Variants in CAPG observed in about 807,000 individuals in gnomAD.
CAPG encodes the protein macrophage-capping protein.
CAPG carries 32 observed loss-of-function variants against 44.6 expected under a neutral mutation model. The ratio of observed to expected loss-of-function variants is 0.72; its 90% CI spans 0.54 to 0.96. The LOEUF (loss-of-function observed/expected upper bound fraction) is 0.96, where lower values mean the gene tolerates loss of function less well. CAPG is among the 50% of genes least tolerant of loss of function. The pLI is 0.00. For missense variants in CAPG, 412 were observed against 438.3 expected, an observed-to-expected ratio of 0.94 and a Z score of 0.54; for synonymous variants, 175 against 179.6, an observed-to-expected ratio of 0.97 and a Z score of 0.20.
intron 1 of CAPG, among the ~76,000 whole-genome samples, chr2:85,406,934 C>CTTT (rs575138210): frequency 7.0e-6 from 1 of 141,906 alleles, no homozygotes; most frequent in Admixed American, 7.0e-5. Flanking sequence ...TAGTAATTTT[C>CTTT]TTTTTTTTTT....
At chr2:85,400,547 T>C (rs1686832283) in intron 5 of CAPG, among the ~76,000 whole-genome samples, 1 of 151,998 alleles carries the variant, frequency 6.6e-6, no homozygotes, top group Non-Finnish European at 1.5e-5. Flanking sequence ...CCAGCCCGGG[T>C]CCCAGTCTCA....
At chr2:85,397,819 A>G (rs964066172) in intron 8 of CAPG, among the ~76,000 whole-genome samples, 6 of 152,212 alleles carry the variant, frequency 3.9e-5, no homozygotes, top group African/African-American at 1.4e-4. Context: ...AGAGTTTGAT[A>G]CCATCCTGGG....
At chr2:85,414,693 A>G (rs1232641776), upstream of CAPG, among the ~76,000 whole-genome samples, 2 of 152,040 alleles carry the variant, frequency 1.3e-5, no homozygotes, top group Non-Finnish European at 2.9e-5. Flanking sequence ...TGGCCTCCCA[A>G]AGTGCTGGCA....
At position 85,400,303 on chromosome 2, in the gene CAPG, C is replaced by G. The variant is rs563032723; in HGVS notation, c.516+862G>C. 1.6e-3 allele frequency among the ~76,000 whole-genome samples: 242 copies of G among 152,302 alleles called. 2 individuals carry two copies. The highest frequency in any genetic ancestry group is 5.5e-3 in the African/African-American group (230 of 41,556). ...TCTCACACTTCTACCCACCGCCCTG[C>G]CAGGCAGAGCCCCTGTCACCTCTCC... On this transcript the variant is annotated intron_variant, in intron 5 of 9. Coordinates refer to ENST00000263867, the MANE Select transcript of CAPG (RefSeq NM_001747.4).
chr2:85,391,889 A>C (rs1686384250), downstream of CAPG: 1 of 152,454 alleles, frequency 6.6e-6, no homozygotes, highest in Non-Finnish European at 1.5e-5. Context: ...TCCAGGAGAC[A>C]GAAGGTTGCC....
intron 1 of CAPG, among the ~76,000 whole-genome samples, chr2:85,408,504 A>T (rs780213203): frequency 6.6e-6 from 1 of 152,046 alleles, no homozygotes; most frequent in Non-Finnish European, 1.5e-5. Flanking sequence ...CACATACTTT[A>T]GCCTGTTTTA....
At chr2:85,414,557 G>A (rs1016166265), upstream of CAPG, among the ~76,000 whole-genome samples, 30 of 151,596 alleles carry the variant, frequency 2.0e-4, no homozygotes, top group South Asian at 4.2e-4. Flanking sequence ...AGCCTCCTGA[G>A]TAGCTGGGAC....
Position 85,394,949 on chromosome 2 carries a change from G to C in CAPG, c.991C>G (p.Leu331Val). The change falls in exon 10 of 10, where the codon CTG becomes GTG. Residue 331 changes from leucine to valine, a missense_variant. By Grantham distance (32) the Leu-to-Val change is conservative (BLOSUM62 1). Coordinates refer to ENST00000263867, the MANE Select transcript of CAPG (RefSeq NM_001747.4). ...QYAPNTQVEI[L>V]PQGHESPIFK... ...ATGGGACTCTCATGGCCCTGAGGCA[G>C]AATCTCCACCTGCAGGGACAGCGGG... The C allele has an allele frequency of 1.2e-6, 2 of 1,612,152 alleles. No individual in the cohort carries two copies. The highest frequency in any genetic ancestry group is 1.7e-6 in the Non-Finnish European group (2 of 1,178,188).
chr2:85,400,365 T>G (rs566448256), intron 5 of CAPG, among the ~76,000 whole-genome samples: 8 of 152,290 alleles, frequency 5.3e-5, no homozygotes, highest in African/African-American at 1.9e-4. Flanking sequence ...ACCTGTCCCC[T>G]TCCTTGTCTC....
At chr2:85,404,060 T>C (rs1296400837) in intron 1 of CAPG, among the ~76,000 whole-genome samples, 2 of 152,016 alleles carry the variant, frequency 1.3e-5, no homozygotes, top group African/African-American at 4.8e-5. Flanking sequence ...TATTTCAAGA[T>C]AGCCAGAAGA....
downstream of CAPG, among the ~76,000 whole-genome samples, chr2:85,392,384 C>T (rs569727802): frequency 1.8e-4 from 24 of 134,902 alleles, no homozygotes; most frequent in Non-Finnish European, 2.9e-4. Context: ...AGCGAGACTC[C>T]GTCTCAAAAA....
chr2:85,399,734 CTTTT>C (rs1395289160), intron 5 of CAPG, among the ~76,000 whole-genome samples: 2 of 144,490 alleles, frequency 1.4e-5, no homozygotes, highest in Non-Finnish European at 3.0e-5. Flanking sequence ...AAGCCTCTTT[CTTTT>C]TCTTTTTTTT....
At chr2:85,398,343 C>T in intron 7 of CAPG, 191 bp from the exon 8 acceptor site, 1 of 645,194 alleles carries the variant, frequency 1.5e-6, no homozygotes, top group Non-Finnish European at 2.6e-6. Context: ...CCTCTCATCA[C>T]CCCAATCCCT....
chr2:85,405,268 G>A (rs1687092745), intron 1 of CAPG, among the ~76,000 whole-genome samples: 1 of 152,090 alleles, frequency 6.6e-6, no homozygotes, highest in Admixed American at 6.6e-5. Flanking sequence ...AAATGCAACA[G>A]CTACGGCTCC....
chr2:85,399,229 C>G lies in CAPG; in HGVS notation c.573G>C (p.Arg191Ser). Residue 191 changes from arginine (R) to serine (S), a missense_variant, in exon 6 of 10, where the codon AGG (arginine) becomes AGC (serine). Coordinates refer to ENST00000263867, the MANE Select transcript of CAPG (RefSeq NM_001747.4). The part of the protein sequence containing the change: ...KSNILERNKA[R>S]DLALAIRDSE... ...TGTCCCGGATGGCCAGGGCCAGGTC[C>G]CTCGCCTTGTTGCGTTCCAGGATGT... The G allele has an allele frequency of 1.2e-6, 2 of 1,614,252 alleles. No homozygotes were observed. The highest frequency in any genetic ancestry group is 8.5e-7 in the Non-Finnish European group (1 of 1,180,038).
chr2:85,395,385 G>T lies in CAPG; in HGVS notation c.981+153C>A. ...AAGTATTTTGACATTTTGAAGGATT[G>T]AGATGGGCTTTCCCACTGGATGGGT... On this transcript the variant is annotated intron_variant, in intron 9 of 9. Coordinates refer to ENST00000263867, the MANE Select transcript of CAPG (RefSeq NM_001747.4). This position sits in a 1 kb window ranked among gnomAD's most constrained non-coding sequence, Gnocchi z 4.3. The T allele has an allele frequency of 1.5e-6, 1 of 645,642 alleles. No homozygotes were observed. Among genetic ancestry groups the T allele is most frequent in the Non-Finnish European group, 2.8e-6 (1 of 357,308 alleles). 40.0% of individuals were successfully genotyped at this position (645,642 alleles called of 1,614,324 possible).
chr2:85,401,997 T>C (rs1380697863), intron 2 of CAPG, 40 bp from the exon 3 acceptor site: 2 of 1,613,396 alleles, frequency 1.2e-6, no homozygotes, highest in Admixed American at 1.7e-5. Flanking sequence ...CTGGACCCAC[T>C]TGCCCAAGCA....
intron 1 of CAPG, among the ~76,000 whole-genome samples, chr2:85,417,232 A>G (rs1687574510): frequency 6.6e-6 from 1 of 152,206 alleles, no homozygotes. Context: ...TATCCTTGAT[A>G]TGATTTTCTC....
At chr2:85,402,843 T>A (rs940650124) in intron 1 of CAPG, among the ~76,000 whole-genome samples, 1 of 151,638 alleles carries the variant, frequency 6.6e-6, no homozygotes, top group African/African-American at 2.4e-5. Flanking sequence ...TGATCTCAGC[T>A]CACTGCGACC....
Sources: allele counts gnomAD v4.1 joint callset (sites outside exome capture counted in the v4.1 genomes callset), GRCh38; gene constraint gnomAD v4.1.1; non-coding constraint Gnocchi (gnomAD v3.1); transcripts MANE v1.5; gene names NCBI Gene and HGNC (gene_info 2026-07-23, HGNC 2026-07-21).